Variants in BEAN1 observed in about 807,000 individuals in gnomAD.
BEAN1 encodes the protein protein BEAN1.
In BEAN1, 17 loss-of-function variants were observed where a neutral mutation model predicts 17.7. The observed-to-expected ratio is 0.96, with a 90% confidence interval of 0.66 to 1.44. BEAN1 has a LOEUF of 1.44. Among genes scored for constraint, BEAN1 ranks in the 40% most tolerant of loss-of-function variants. The pLI is 0.00. For synonymous variants in BEAN1, 142 were observed against 151.8 expected (o/e 0.94, Z 0.47); for missense variants, 359 against 374.1 (o/e 0.96, Z 0.33).
At chr16:66,494,018 G>A (rs1964214140), downstream of BEAN1, among the ~76,000 whole-genome samples, 8 of 152,172 alleles carry the variant, frequency 5.3e-5, no homozygotes, top group South Asian at 1.7e-3. Flanking sequence ...CTGCATGGAT[G>A]AGAGCACCCC....
chr16:66,464,660 T>C (rs186572925), intron 2 of BEAN1, among the ~76,000 whole-genome samples: 1 of 152,338 alleles, frequency 6.6e-6, no homozygotes, highest in Admixed American at 6.5e-5. Context: ...TGTACTTCTT[T>C]AGTTAAATTT....
intron 2 of BEAN1, among the ~76,000 whole-genome samples, chr16:66,446,532 G>A (rs1962464222): frequency 1.3e-5 from 2 of 152,150 alleles, no homozygotes; most frequent in Admixed American, 6.5e-5. Context: ...GTACGTGAAT[G>A]TGGGGTTCAG....
rs1166070548 is a variant in BEAN1, at chr16:66,441,978, TTTCA to T, written c.25+4278_25+4281del. 2.6e-5 allele frequency among the ~76,000 whole-genome samples: 4 copies of T among 152,148 alleles called. No individual in the cohort carries two copies. The East Asian group carries it at 5.8e-4, about 22-fold the overall frequency. On this transcript the variant is annotated intron_variant, in intron 2 of 4. Transcript: ENST00000536005. ...CCAGCAGCTCTTATTAACTCCCTCC[TTTCA>T]ATTTGGCAGATGAGAAGACCAAGGC...
chr16:66,481,016 C>T lies in BEAN1; in HGVS notation c.*91C>T, dbSNP rs1002867798. The T allele has an allele frequency of 7.1e-6, 8 of 1,134,138 alleles. No homozygotes were observed. The highest frequency in any genetic ancestry group is 1.7e-5 in the South Asian group (1 of 59,614). 70.3% of individuals were successfully genotyped at this position (1,134,138 alleles called of 1,614,324 possible). A position where few individuals can be genotyped will look rare whatever the true frequency, so the allele number is the denominator to read the frequency against. On this transcript the variant is annotated 3_prime_UTR_variant, in exon 5 of 5. Coordinates refer to ENST00000536005, the MANE Select transcript of BEAN1 (RefSeq NM_001178020.3). This position sits in a 1 kb window ranked among gnomAD's most constrained non-coding sequence, Gnocchi z 4.1. The stretch of plus-strand genomic sequence containing the variant: ...GCGTGCACACACACACAGAGATGCA[C>T]ACGTGACTCATAACACACACATAGA...
At chr16:66,469,493 C>A in intron 2 of BEAN1, 109 bp from the exon 3 acceptor site, 1 of 1,321,936 alleles carries the variant, frequency 7.6e-7, no homozygotes, top group Non-Finnish European at 1.0e-6. Context: ...GAGCCCAGAC[C>A]CTCCTCCATT....
chr16:66,487,159 A>T (rs1964100806), downstream of BEAN1, among the ~76,000 whole-genome samples: 1 of 152,188 alleles, frequency 6.6e-6, no homozygotes, highest in South Asian at 2.1e-4. Flanking sequence ...GAATACACTC[A>T]CCCACAGTGC....
intron 4 of BEAN1, among the ~76,000 whole-genome samples, chr16:66,491,767 T>A (rs149077883): frequency 1.1e-3 from 169 of 152,210 alleles, no homozygotes; most frequent in African/African-American, 4.0e-3. Context: ...CACAATAGGG[T>A]TCCACTCCTA....
intron 3 of BEAN1, among the ~76,000 whole-genome samples, chr16:66,472,618 C>T (rs1363108884): frequency 2.0e-5 from 3 of 152,188 alleles, no homozygotes; most frequent in Non-Finnish European, 4.4e-5. Flanking sequence ...GTACAAGAAT[C>T]GCTTGAACCT....
At chr16:66,490,710 T>A (rs1964165290) in intron 4 of BEAN1, among the ~76,000 whole-genome samples, 1 of 152,002 alleles carries the variant, frequency 6.6e-6, no homozygotes, top group African/African-American at 2.4e-5. Context: ...GATATCTGGA[T>A]GGGATGGTAG....
intron 1 of BEAN1, among the ~76,000 whole-genome samples, chr16:66,433,404 A>C (rs1039784554): frequency 6.6e-6 from 1 of 152,076 alleles, no homozygotes; most frequent in Non-Finnish European, 1.5e-5. Context: ...GAGCCACTGC[A>C]CTCAGCCGAG....
At chr16:66,477,289 C>A (rs181927070) in intron 3 of BEAN1, among the ~76,000 whole-genome samples, 22 of 152,326 alleles carry the variant, frequency 1.4e-4, no homozygotes, top group Non-Finnish European at 2.8e-4. Flanking sequence ...CTGCCTAGTG[C>A]CAGGTTATCC....
chr16:66,479,741 T>A (rs1275273566), intron 4 of BEAN1, among the ~76,000 whole-genome samples: 1 of 151,728 alleles, frequency 6.6e-6, no homozygotes, highest in African/African-American at 2.4e-5. Context: ...AAGGAGGGAG[T>A]TATGCCCTCA....
intron 2 of BEAN1, among the ~76,000 whole-genome samples, chr16:66,451,929 T>C (rs1653203373): frequency 6.6e-6 from 1 of 152,238 alleles, no homozygotes; most frequent in South Asian, 2.1e-4. Context: ...GCTGCTTACC[T>C]TCTCAGGATA....
chr16:66,468,882 C>G (rs1457444207), intron 2 of BEAN1, among the ~76,000 whole-genome samples: 1 of 152,126 alleles, frequency 6.6e-6, no homozygotes, highest in East Asian at 1.9e-4. Flanking sequence ...CCGTAGGACT[C>G]TCAAGGATCC....
chr16:66,469,423 C>T (rs1378011263), intron 2 of BEAN1, among the ~76,000 whole-genome samples, 179 bp from the exon 3 acceptor site: 6 of 152,194 alleles, frequency 3.9e-5, no homozygotes, highest in South Asian at 2.1e-4. Context: ...CTGCAGGCAG[C>T]GGAGTGAGGT....
chr16:66,450,526 G>A (rs1962633276), intron 2 of BEAN1, among the ~76,000 whole-genome samples: 1 of 152,000 alleles, frequency 6.6e-6, no homozygotes, highest in African/African-American at 2.4e-5. Flanking sequence ...GACCAGCTTG[G>A]GCAACATAGC....
chr16:66,477,191 C>G (rs1352950546), intron 3 of BEAN1, among the ~76,000 whole-genome samples: 1 of 152,194 alleles, frequency 6.6e-6, no homozygotes, highest in East Asian at 1.9e-4. Flanking sequence ...AGCCCCTCCT[C>G]CAGGAAGCCC....
rs1397286339 is a variant in BEAN1, at chr16:66,473,840, C to T, written c.290-3720C>T. On this transcript the variant is annotated intron_variant, in intron 3 of 4. Transcript: ENST00000536005. The surrounding 1 kb of genome is among the most constrained non-coding windows in gnomAD (Gnocchi z 4.5). ...CCCCAGCTCTGGTGACTCAAGCCCT[C>T]CTGGCCTCTCTCCCACCCCTCTGGC... Among the ~76,000 whole-genome samples, 10 of 152,298 alleles carry T rather than the reference C, an allele frequency of 6.6e-5. No individual in the cohort carries two copies. The East Asian group carries it at 1.3e-3, about 21-fold the overall frequency.
At chr16:66,444,463 C>G (rs1962370360) in intron 2 of BEAN1, among the ~76,000 whole-genome samples, 1 of 152,052 alleles carries the variant, frequency 6.6e-6, no homozygotes, top group Non-Finnish European at 1.5e-5. Context: ...GTGGTCCCTG[C>G]TGGTCACAGT....
Sources: gnomAD v4.1 joint callset for allele counts (sites outside exome capture counted in the v4.1 genomes callset) on GRCh38, gnomAD v4.1.1 for gene constraint, Gnocchi (gnomAD v3.1) non-coding constraint, MANE v1.5 for transcripts, NCBI Gene and HGNC (gene_info 2026-07-23, HGNC 2026-07-21) for gene names.